Variants in CACUL1 observed in about 807,000 individuals in gnomAD.
CACUL1 encodes CDK2 associated cullin domain 1.
In CACUL1, 13 loss-of-function variants were observed where a neutral mutation model predicts 45.2. The observed-to-expected ratio is 0.29, with a 90% CI of 0.19 to 0.46. The LOEUF is 0.46. Ranked by LOEUF, CACUL1 falls within the 20% of genes least tolerant of loss-of-function variation. The probability of loss-of-function intolerance (pLI) is 1.00; values close to 1 mark genes in which losing one functional copy is unlikely to be tolerated. For missense variants in CACUL1, 421 were observed against 471.4 expected (o/e 0.89, Z 0.99); for synonymous variants, 197 against 174.2 (o/e 1.13, Z -1.03).
intron 3 of CACUL1, among the ~76,000 whole-genome samples, chr10:118,728,127 T>C (rs1233653911): frequency 6.6e-6 from 1 of 152,118 alleles, no homozygotes; most frequent in Admixed American, 6.5e-5. Flanking sequence ...AAAATGCTAC[T>C]TAGTGCAACA....
In CACUL1 at chr10:118,685,773, TA is replaced by T. The variant is rs566718256; in HGVS notation, c.*354del. 305 of 174,830 alleles carry T rather than the reference TA, an allele frequency of 1.7e-3. No individual in the cohort carries two copies. The highest frequency in any genetic ancestry group is 7.2e-3 in the Middle Eastern group (3 of 416). The allele number at this position is 174,830 out of a possible 1,614,324, so 10.8% of individuals were successfully genotyped here. On this transcript the variant is annotated 3_prime_UTR_variant, in exon 9 of 9. Transcript: ENST00000369151. ...TCCACAAATGAACAAAACAAGTGCT[TA>T]AAAAAAAAATTCTTCTGCTCTTATA... is the stretch of plus-strand genomic sequence containing the variant.
chr10:118,753,995 T>C (rs1001767726), intron 1 of CACUL1, among the ~76,000 whole-genome samples: 4 of 152,222 alleles, frequency 2.6e-5, no homozygotes, highest in Non-Finnish European at 4.4e-5. Context: ...TGCAGAAGAC[T>C]GAAGGCCTTT....
intron 1 of CACUL1, among the ~76,000 whole-genome samples, chr10:118,750,605 A>G (rs993820714): frequency 6.6e-6 from 1 of 152,190 alleles, no homozygotes; most frequent in African/African-American, 2.4e-5. Context: ...TCTAAAGTAT[A>G]CCTTCACTGC....
At chr10:118,690,701 A>T (rs1845256896) in intron 7 of CACUL1, among the ~76,000 whole-genome samples, 1 of 152,178 alleles carries the variant, frequency 6.6e-6, no homozygotes. Flanking sequence ...AAGTTGAAAG[A>T]GCTCCTGGAG....
At chr10:118,707,187 T>C (rs1448294952) in intron 4 of CACUL1, among the ~76,000 whole-genome samples, 2 of 152,214 alleles carry the variant, frequency 1.3e-5, no homozygotes, top group Non-Finnish European at 2.9e-5. Flanking sequence ...TATCTTTATA[T>C]TTCTGGAACC....
intron 7 of CACUL1, among the ~76,000 whole-genome samples, chr10:118,690,174 G>A (rs111679376): frequency 2.4e-3 from 370 of 151,910 alleles, no homozygotes; most frequent in Admixed American, 4.3e-3. Flanking sequence ...GGTGGCGGGC[G>A]CCTGTAGTCC....
Position 118,729,338 on chromosome 10 carries a change from T to C in CACUL1, c.554A>G (p.Lys185Arg), listed in dbSNP as rs1414451289. 6.2e-7 allele frequency: 1 copy of C among 1,613,174 alleles called. No individual in the cohort carries two copies. The highest frequency in any genetic ancestry group is 1.3e-5 in the African/African-American group (1 of 74,920). ...HSEQMYSDLI[K>R]KITNHLERVS... ...TCTCTCTAAGTGATTAGTTATCTTT[T>C]TAATCAGATCACTATACATCTGTTC... is the stretch of plus-strand genomic sequence containing the variant. Residue 185 changes from lysine to arginine, a missense_variant, in exon 3 of 9, where the codon AAA (lysine) becomes AGA (arginine). Lys to Arg is a conservative substitution (Grantham distance 26, BLOSUM62 2). Transcript: ENST00000369151.
intron 5 of CACUL1, among the ~76,000 whole-genome samples, chr10:118,696,516 C>T (rs759792815): frequency 3.9e-5 from 6 of 152,288 alleles, no homozygotes; most frequent in Middle Eastern, 6.8e-3. Context: ...TGGCGGCAGG[C>T]GCCTGTAATC....
intron 1 of CACUL1, among the ~76,000 whole-genome samples, chr10:118,744,471 G>C (rs1211238230): frequency 6.6e-6 from 1 of 152,198 alleles, no homozygotes; most frequent in South Asian, 2.1e-4. Context: ...GTGGATGCCA[G>C]GGGCAGGGAG....
At chr10:118,753,507 T>G (rs534744924) in intron 1 of CACUL1, among the ~76,000 whole-genome samples, 9 of 152,342 alleles carry the variant, frequency 5.9e-5, no homozygotes, top group Non-Finnish European at 1.3e-4. Flanking sequence ...TTCAACATCC[T>G]ATCACCACCA....
At chr10:118,689,867 TGTC>T (rs1740624636) in intron 7 of CACUL1, among the ~76,000 whole-genome samples, 1 of 152,252 alleles carries the variant, frequency 6.6e-6, no homozygotes, top group African/African-American at 2.4e-5. Context: ...TTCAGAAGGC[TGTC>T]TTTTTAAAGG....
chr10:118,723,577 C>G (rs1268192792), intron 3 of CACUL1, among the ~76,000 whole-genome samples: 2 of 152,136 alleles, frequency 1.3e-5, no homozygotes, highest in Non-Finnish European at 2.9e-5. Context: ...TCTCCCAATT[C>G]TTGCCTAAAA....
Position 118,719,836 on chromosome 10 carries a change from C to A in CACUL1, c.597+9459G>T, listed in dbSNP as rs927379489. Among the ~76,000 whole-genome samples, 2 of 151,790 alleles carry A rather than the reference C, an allele frequency of 1.3e-5. 1 individual carries two copies. The highest frequency in any genetic ancestry group is 4.1e-4 in the South Asian group (2 of 4,832). ...CAAAAAAAAAAAAAGGAATTTCTTTCCAAATAGACAAACATATCTGACATT... is the reference window on the plus strand; with the variant it reads ...CAAAAAAAAAAAAAGGAATTTCTTTACAAATAGACAAACATATCTGACATT... On this transcript the variant is annotated intron_variant, in intron 3 of 8. Coordinates refer to ENST00000369151, the MANE Select transcript of CACUL1 (RefSeq NM_153810.5).
chr10:118,729,752 G>T (rs1028215292), intron 2 of CACUL1, among the ~76,000 whole-genome samples: 3 of 152,198 alleles, frequency 2.0e-5, no homozygotes, highest in African/African-American at 7.2e-5. Flanking sequence ...GAGAGTGGTT[G>T]ATAATCAGTA....
intron 1 of CACUL1, among the ~76,000 whole-genome samples, chr10:118,731,571 T>G (rs1845698129): frequency 6.6e-6 from 1 of 152,354 alleles, no homozygotes; most frequent in Admixed American, 6.5e-5. Context: ...AAATCCATTT[T>G]GCTAAGTGAA....
At position 118,681,176 on chromosome 10, in the gene CACUL1, C is replaced by A. The variant is rs1053128230; in HGVS notation, c.*4952G>T. The A allele has an allele frequency of 6.6e-6, 1 of 152,220 alleles. No individual in the cohort carries two copies. Among genetic ancestry groups the A allele is most frequent in the Non-Finnish European group, 1.5e-5 (1 of 68,052 alleles). The allele number at this position is 152,220 out of a possible 1,614,324, so 9.4% of individuals were successfully genotyped here. ...TGGATTAAAGAGATGATGTGCAGAA[C>A]GCCCTGTGCTGAGCTCACTATGGCT... On this transcript the variant is annotated 3_prime_UTR_variant, in exon 9 of 9. Coordinates refer to ENST00000369151, the MANE Select transcript of CACUL1 (RefSeq NM_153810.5).
intron 1 of CACUL1, among the ~76,000 whole-genome samples, chr10:118,739,631 A>G (rs1007288876): frequency 3.3e-5 from 5 of 152,226 alleles, no homozygotes; most frequent in Non-Finnish European, 7.3e-5. Context: ...GATATGCTCT[A>G]TATACATACT....
intron 1 of CACUL1, among the ~76,000 whole-genome samples, chr10:118,744,531 G>A (rs1845823592): frequency 6.6e-6 from 1 of 152,178 alleles, no homozygotes; most frequent in Non-Finnish European, 1.5e-5. Flanking sequence ...TGTTATTTTG[G>A]GTTGATGAAA....
At chr10:118,696,495 T>A (rs777017782) in intron 5 of CACUL1, among the ~76,000 whole-genome samples, 9 of 152,034 alleles carry the variant, frequency 5.9e-5, no homozygotes, top group Non-Finnish European at 1.3e-4. Context: ...TACAAAAAAA[T>A]TGGCTAGGCG....
Sources: allele counts gnomAD v4.1 joint callset (sites outside exome capture counted in the v4.1 genomes callset), GRCh38; gene constraint gnomAD v4.1.1; transcripts MANE v1.5; gene names NCBI Gene and HGNC (gene_info 2026-07-23, HGNC 2026-07-21).